PDP2: variants seen among roughly 807,000 people sequenced by gnomAD.
PDP2 encodes the protein [Pyruvate dehydrogenase [acetyl-transferring]]-phosphatase 2, mitochondrial.
PDP2 carries 23 observed loss-of-function variants against 34.2 expected under a neutral mutation model. That is an observed-to-expected ratio of 0.67 (90% CI 0.48 to 0.95). The LOEUF is 0.95. Ranked by LOEUF, PDP2 falls within the 40% of genes least tolerant of loss-of-function variation. The pLI is 0.00. For missense variants in PDP2, 571 were observed against 659.6 expected (o/e 0.87, Z 1.47); for synonymous variants, 275 against 269.2 (o/e 1.02, Z -0.21).
rs542183517 is a variant in PDP2, at chr16:66,887,044, C to T, written c.*1170C>T. 2 of 167,880 alleles carry T rather than the reference C, an allele frequency of 1.2e-5. No homozygotes were observed. Among genetic ancestry groups the T allele is most frequent in the African/African-American group, 4.8e-5 (2 of 41,580 alleles). 10.4% of individuals were successfully genotyped at this position (167,880 alleles called of 1,614,324 possible). A position where few individuals can be genotyped will look rare whatever the true frequency, so the allele number is the denominator to read the frequency against. On this transcript the variant is annotated 3_prime_UTR_variant, in exon 2 of 2. Coordinates refer to ENST00000311765, the MANE Select transcript of PDP2 (RefSeq NM_020786.4). ...GACAACAGTTTCTAACCAAGTTTCTCTGAATCCTTTCCTGAGAGGTGGTGG... is the reference window on the plus strand; with the variant it reads ...GACAACAGTTTCTAACCAAGTTTCTTTGAATCCTTTCCTGAGAGGTGGTGG...
intron 1 of PDP2, among the ~76,000 whole-genome samples, chr16:66,883,904 T>C (rs1001628288): frequency 6.6e-6 from 1 of 152,042 alleles, no homozygotes; most frequent in African/African-American, 2.4e-5. Flanking sequence ...GCTGGGTGCT[T>C]TGGCTCACGC....
At chr16:66,882,300 G>A (rs1220717939) in intron 1 of PDP2, among the ~76,000 whole-genome samples, 1 of 152,082 alleles carries the variant, frequency 6.6e-6, no homozygotes, top group Non-Finnish European at 1.5e-5. Context: ...GCTGGGCCTG[G>A]CGGCACATGC....
Position 66,885,923 on chromosome 16 carries a change from G to A in PDP2, c.*49G>A. 6.6e-7 allele frequency: 1 copy of A among 1,525,964 alleles called. No individual in the cohort carries two copies. Among genetic ancestry groups the A allele is most frequent in the Non-Finnish European group, 8.9e-7 (1 of 1,125,992 alleles). 94.5% of individuals were successfully genotyped at this position (1,525,964 alleles called of 1,614,324 possible). A position where few individuals can be genotyped will look rare whatever the true frequency, so the allele number is the denominator to read the frequency against. On this transcript the variant is annotated 3_prime_UTR_variant, in exon 2 of 2. Transcript: ENST00000311765. The surrounding 1 kb of genome is among the most constrained non-coding windows in gnomAD (Gnocchi z 4.6). ...GTTAACATAAATGCTCTTCTAAAAT[G>A]TTTCACTTACTCCTAAACTAGCTAT...
chr16:66,881,903 A>T (rs1256901725), intron 1 of PDP2, among the ~76,000 whole-genome samples: 3 of 151,914 alleles, frequency 2.0e-5, no homozygotes, highest in Non-Finnish European at 4.4e-5. Flanking sequence ...GTGGTCTTAA[A>T]CTCCCTAGCC....
chr16:66,885,882 C>G lies in PDP2; in HGVS notation c.*8C>G. 1.9e-6 allele frequency: 3 copies of G among 1,585,928 alleles called. No individual in the cohort carries two copies. The highest frequency in any genetic ancestry group is 2.6e-6 in the Non-Finnish European group (3 of 1,161,488). On this transcript the variant is annotated 3_prime_UTR_variant, in exon 2 of 2. Coordinates refer to ENST00000311765, the MANE Select transcript of PDP2 (RefSeq NM_020786.4). This position sits in a 1 kb window ranked among gnomAD's most constrained non-coding sequence, Gnocchi z 4.6. The stretch of plus-strand genomic sequence containing the variant: ...TATTACAAGGGGGGTTAAGAATCTC[C>G]CATCCTATTGTCAAGGTTAACATAA...
In PDP2 at chr16:66,884,603, T is replaced by C; in HGVS notation, c.319T>C (p.Leu107=). 1 of 1,614,216 alleles carries C rather than the reference T, an allele frequency of 6.2e-7. No homozygotes were observed. The highest frequency in any genetic ancestry group is 1.1e-5 in the South Asian group (1 of 91,090). The change falls in exon 2 of 2, where the codon TTG becomes CTG. Residue 107 remains leucine (L), a synonymous_variant. Transcript: ENST00000311765. ...TGAAAGCAGAGTCCCAAATTCAGTG[T>C]TGCGGTTTGAGAGCAACCAGCTGGC... The part of the protein sequence containing the change: ...DLESRVPNSV[L]RFESNQLAAN...
chr16:66,885,165 A>G lies in PDP2; in HGVS notation c.881A>G (p.Gln294Arg). ...AGDCRAILGVQEDNGMWSCLP... is the reference protein window; with the variant it reads ...AGDCRAILGVREDNGMWSCLP... ...GACTGCCGAGCCATCCTTGGTGTCC[A>G]AGAGGACAATGGCATGTGGTCTTGT... The change falls in exon 2 of 2, where the codon CAA (glutamine) becomes CGA (arginine). Residue 294 changes from glutamine (Q) to arginine (R), a missense_variant. Gln to Arg is a conservative substitution (Grantham distance 43). Coordinates refer to ENST00000311765, the MANE Select transcript of PDP2 (RefSeq NM_020786.4). The surrounding 1 kb of genome is among the most constrained non-coding windows in gnomAD (Gnocchi z 4.6). 2 of 1,614,002 alleles carry G rather than the reference A, an allele frequency of 1.2e-6. No homozygotes were observed. The highest frequency in any genetic ancestry group is 8.5e-7 in the Non-Finnish European group (1 of 1,180,034).
intron 1 of PDP2, among the ~76,000 whole-genome samples, chr16:66,881,635 G>C (rs1181243704): frequency 1.3e-5 from 2 of 152,098 alleles, no homozygotes. Flanking sequence ...AACCTAAGTA[G>C]AGAAAAGGTT....
Position 66,884,211 on chromosome 16 carries a change from T to C in PDP2, c.-54-20T>C. The C allele has an allele frequency of 8.0e-7, 1 of 1,253,766 alleles. No homozygotes were observed. The highest frequency in any genetic ancestry group is 1.6e-5 in the South Asian group (1 of 61,754). 77.7% of individuals were successfully genotyped at this position (1,253,766 alleles called of 1,614,324 possible). A position where few individuals can be genotyped will look rare whatever the true frequency, so the allele number is the denominator to read the frequency against. On this transcript the variant is annotated intron_variant, in intron 1 of 1. Coordinates refer to ENST00000311765, the MANE Select transcript of PDP2 (RefSeq NM_020786.4). ...AAAAAAAAGAAATTAAATTTGAAAC[T>C]TCAACTTTTTAATTTTTAGGTTTAA...
chr16:66,888,477 G>A lies in PDP2; in HGVS notation c.*2603G>A, dbSNP rs1961879749. 1 of 152,030 alleles carries A rather than the reference G, an allele frequency of 6.6e-6. No individual in the cohort carries two copies. The highest frequency in any genetic ancestry group is 2.4e-5 in the African/African-American group (1 of 41,370). The allele number at this position is 152,030 out of a possible 1,614,324, so 9.4% of individuals were successfully genotyped here. On this transcript the variant is annotated 3_prime_UTR_variant, in exon 2 of 2. Coordinates refer to ENST00000311765, the MANE Select transcript of PDP2 (RefSeq NM_020786.4). ...TGACGTTTACTTTTTGTTGTTTTTT[G>A]AGACAAGGTCTTGCTTTGTCGCCCA...
At position 66,884,892 on chromosome 16, in the gene PDP2, C is replaced by T. The variant is rs772714323; in HGVS notation, c.608C>T (p.Ser203Phe). ...GACAGTATCTACAAGGATGTCACAT[C>T]TGTGCATCTTGACCACCTCCGTGTC... ...PGDSIYKDVTSVHLDHLRVYW... is the reference protein window; with the variant it reads ...PGDSIYKDVTFVHLDHLRVYW... Residue 203 changes from serine (S) to phenylalanine (F), a missense_variant, in exon 2 of 2, where the codon TCT becomes TTT. Around this residue, in one of 2 missense-constraint regions of PDP2, gnomAD observed 290 missense variants for 283.8 expected, o/e 1.02. Coordinates refer to ENST00000311765, the MANE Select transcript of PDP2 (RefSeq NM_020786.4). 1 of 1,614,170 alleles carries T rather than the reference C, an allele frequency of 6.2e-7. No homozygotes were observed. The highest frequency in any genetic ancestry group is 8.5e-7 in the Non-Finnish European group (1 of 1,180,032).
Position 66,884,272 on chromosome 16 carries a change from G to C in PDP2, c.-13G>C. 1.3e-6 allele frequency: 2 copies of C among 1,533,278 alleles called. No homozygotes were observed. The highest frequency in any genetic ancestry group is 2.8e-5 in the African/African-American group (2 of 72,330). The allele number at this position is 1,533,278 out of a possible 1,614,324, so 95.0% of individuals were successfully genotyped here. ...TTTTGCTGAAGGAACACATTTGCTG[G>C]TATAGTTTCAGAATGTCAAGTACTG... On this transcript the variant is annotated 5_prime_UTR_variant, in exon 2 of 2. Coordinates refer to ENST00000311765, the MANE Select transcript of PDP2 (RefSeq NM_020786.4).
chr16:66,881,037 T>G (rs1596939062), intron 1 of PDP2, among the ~76,000 whole-genome samples: 1 of 152,162 alleles, frequency 6.6e-6, no homozygotes, highest in Non-Finnish European at 1.5e-5. Flanking sequence ...CCAGCTGGGG[T>G]ACGGCCGTGC....
rs369824779 is a variant in PDP2 at position 66,889,825 on chromosome 16, T to G, written c.*3951T>G. On this transcript the variant is annotated 3_prime_UTR_variant, in exon 2 of 2. Transcript: ENST00000311765. ...AAAAAAAAAAAAAAATAGCCAGGTG[T>G]GGCACATGCCTGTAGTCTCAGCTGC... is the stretch of plus-strand genomic sequence containing the variant. 3 of 147,244 alleles carry G rather than the reference T, an allele frequency of 2.0e-5. No homozygotes were observed. Among genetic ancestry groups the G allele is most frequent in the African/African-American group, 2.5e-5 (1 of 39,840 alleles). The allele number at this position is 147,244 out of a possible 1,614,324, so 9.1% of individuals were successfully genotyped here.
At position 66,884,235 on chromosome 16, in the gene PDP2, A is replaced by T; in HGVS notation, c.-50A>T. ...CTTCAACTTTTTAATTTTTAGGTTT[A>T]AAAATATCCTTTTTTGCTGAAGGAA... On this transcript the variant is annotated 5_prime_UTR_variant, in exon 2 of 2. Coordinates refer to ENST00000311765, the MANE Select transcript of PDP2 (RefSeq NM_020786.4). 1 of 1,437,744 alleles carries T rather than the reference A, an allele frequency of 7.0e-7. No individual in the cohort carries two copies. Among genetic ancestry groups the T allele is most frequent in the Non-Finnish European group, 9.4e-7 (1 of 1,068,098 alleles). The allele number at this position is 1,437,744 out of a possible 1,614,324, so 89.1% of individuals were successfully genotyped here.
At position 66,888,966 on chromosome 16, in the gene PDP2, A is replaced by C. The variant is rs1288529401; in HGVS notation, c.*3092A>C. On this transcript the variant is annotated 3_prime_UTR_variant, in exon 2 of 2. Coordinates refer to ENST00000311765, the MANE Select transcript of PDP2 (RefSeq NM_020786.4). ...ATTTGCTTTTTTTCCACTGTGAATC[A>C]TCTGTTCTTTCCATGAACATTCTGG... 1.3e-5 allele frequency: 2 copies of C among 152,226 alleles called. No individual in the cohort carries two copies. The highest frequency in any genetic ancestry group is 4.8e-5 in the African/African-American group (2 of 41,460). The allele number at this position is 152,226 out of a possible 1,614,324, so 9.4% of individuals were successfully genotyped here. A position where few individuals can be genotyped will look rare whatever the true frequency, so the allele number is the denominator to read the frequency against.
In PDP2 at chr16:66,886,219, A is replaced by C; in HGVS notation, c.*345A>C. 3.7e-6 allele frequency: 1 copy of C among 270,528 alleles called. No individual in the cohort carries two copies. Among genetic ancestry groups the C allele is most frequent in the Non-Finnish European group, 7.7e-6 (1 of 129,416 alleles). 16.8% of individuals were successfully genotyped at this position (270,528 alleles called of 1,614,324 possible). A position where few individuals can be genotyped will look rare whatever the true frequency, so the allele number is the denominator to read the frequency against. The stretch of plus-strand genomic sequence containing the variant: ...GGTAAATTTAATCATGATTCTGAGA[A>C]TAAAGAACTTCAGGAGCTTCTTAGG... On this transcript the variant is annotated 3_prime_UTR_variant, in exon 2 of 2. Transcript: ENST00000311765.
At position 66,885,004 on chromosome 16, in the gene PDP2, T is replaced by C. The variant is rs1439988088; in HGVS notation, c.720T>C (p.Ser240=). 6.2e-7 allele frequency: 1 copy of C among 1,613,512 alleles called. No individual in the cohort carries two copies. Among genetic ancestry groups the C allele is most frequent in the East Asian group, 2.2e-5 (1 of 44,870 alleles). The change falls in exon 2 of 2, where the codon TCT becomes TCC. Residue 240 remains serine, a synonymous_variant. Transcript: ENST00000311765. This position sits in a 1 kb window ranked among gnomAD's most constrained non-coding sequence, Gnocchi z 4.6. The stretch of plus-strand genomic sequence containing the variant: ...TGTACTCCTTCCAGAGACTGGATTC[T>C]GACATCTCGCTGGAAATCCAGGCCC... ...ALMYSFQRLD[S]DISLEIQAPL...
At position 66,887,461 on chromosome 16, in the gene PDP2, A is replaced by G. The variant is rs1199859939; in HGVS notation, c.*1587A>G. 6.0e-6 allele frequency: 1 copy of G among 167,090 alleles called. No individual in the cohort carries two copies. Among genetic ancestry groups the G allele is most frequent in the Non-Finnish European group, 1.5e-5 (1 of 68,116 alleles). 10.4% of individuals were successfully genotyped at this position (167,090 alleles called of 1,614,324 possible). On this transcript the variant is annotated 3_prime_UTR_variant, in exon 2 of 2. Coordinates refer to ENST00000311765, the MANE Select transcript of PDP2 (RefSeq NM_020786.4). ...CTTACCCCTTTATGCCACCTACTGA[A>G]AAGAAAAACAAATAGCTAGGTTTGG...
Sources: allele counts gnomAD v4.1 joint callset (sites outside exome capture counted in the v4.1 genomes callset), GRCh38; gene constraint gnomAD v4.1.1; regional missense constraint gnomAD v4.1.1; non-coding constraint Gnocchi (gnomAD v3.1); transcripts MANE v1.5; gene names NCBI Gene and HGNC (gene_info 2026-07-23, HGNC 2026-07-21).